Variants in RNF123 observed in about 807,000 individuals in gnomAD.
RNF123 encodes the protein ring finger protein 123.
In RNF123, 86 loss-of-function variants were observed where a neutral mutation model predicts 168.5. That is an observed-to-expected ratio of 0.51 (90% CI 0.43 to 0.61). The LOEUF (loss-of-function observed/expected upper bound fraction) is 0.61, where lower values mean the gene tolerates loss of function less well. Among genes scored for constraint, RNF123 ranks in the 20% least tolerant of loss-of-function variants. RNF123 has a pLI of 0.00. For synonymous variants in RNF123, 666 were observed against 689.1 expected (o/e 0.97, Z 0.52); for missense variants, 1,419 against 1,729.7 (o/e 0.82, Z 3.19).
intron 21 of RNF123, among the ~76,000 whole-genome samples, chr3:49,704,069 A>G (rs921186505): frequency 2.0e-5 from 3 of 152,156 alleles, no homozygotes; most frequent in Non-Finnish European, 4.4e-5. Flanking sequence ...GGTTGTGTGG[A>G]TGGGGTGCCA....
In RNF123 at chr3:49,699,980, G is replaced by A; in HGVS notation, c.984+208G>A. 1 of 684,262 alleles carries A rather than the reference G, an allele frequency of 1.5e-6. No homozygotes were observed. Among genetic ancestry groups the A allele is most frequent in the Non-Finnish European group, 2.4e-6 (1 of 408,312 alleles). 42.4% of individuals were successfully genotyped at this position (684,262 alleles called of 1,614,324 possible). A position where few individuals can be genotyped will look rare whatever the true frequency, so the allele number is the denominator to read the frequency against. On this transcript the variant is annotated intron_variant, in intron 12 of 38. Coordinates refer to ENST00000327697, the MANE Select transcript of RNF123 (RefSeq NM_022064.5). This position sits in a 1 kb window ranked among gnomAD's most constrained non-coding sequence, Gnocchi z 4.8. ...ACCAAGGGCATCAGGGGATGTCCTG[G>A]AAAGAAGACTGAAGGATAATAACAT...
Position 49,703,236 on chromosome 3 carries a change from G to A in RNF123, c.1751-191G>A, listed in dbSNP as rs79102949. ...GCAGCTGCTGGCTCTGACCTGAAATGGCAGGGGTGGAGAAGAGGTAGGGGA... is the reference window on the plus strand; with the variant it reads ...GCAGCTGCTGGCTCTGACCTGAAATAGCAGGGGTGGAGAAGAGGTAGGGGA... On this transcript the variant is annotated intron_variant, in intron 20 of 38. Coordinates refer to ENST00000327697, the MANE Select transcript of RNF123 (RefSeq NM_022064.5). 1.9e-3 allele frequency among the ~76,000 whole-genome samples: 282 copies of A among 152,316 alleles called. 6 individuals carry two copies. The East Asian group carries it at 0.047, about 25-fold the overall frequency.
Position 49,720,523 on chromosome 3 carries a change from C to T in RNF123, c.3513C>T (p.Ala1171=). ...CTCCCCTACCTAGGAGAGAGCAAGC[C>T]ACATCAGTGCTCCTGGCAGATCCCT... ...VRGPASEREQ[A]TSVLLADPCF... Residue 1171 remains alanine (A), a synonymous_variant, in exon 36 of 39, where the codon GCC becomes GCT. Transcript: ENST00000327697. 1 of 1,594,998 alleles carries T rather than the reference C, an allele frequency of 6.3e-7. No individual in the cohort carries two copies. Among genetic ancestry groups the T allele is most frequent in the Non-Finnish European group, 8.6e-7 (1 of 1,169,354 alleles).
At chr3:49,703,583 C>A in intron 21 of RNF123, 55 bp downstream of exon 21, 1 of 1,431,128 alleles carries the variant, frequency 7.0e-7, no homozygotes. Context: ...GGGGACTGTC[C>A]CTGAGCCTGC....
intron 31 of RNF123, among the ~76,000 whole-genome samples, chr3:49,715,109 C>A (rs2080214151): frequency 6.6e-6 from 1 of 152,266 alleles, no homozygotes. Flanking sequence ...TGCCCACCAC[C>A]TCGGCCATAT....
At chr3:49,717,918 G>A in intron 35 of RNF123, 1 of 1,588,780 alleles carries the variant, frequency 6.3e-7, no homozygotes, top group Non-Finnish European at 8.6e-7. Flanking sequence ...GCAGCAAGAG[G>A]GTGGGGGCCT....
intron 24 of RNF123, 84 bp downstream of exon 24, chr3:49,705,763 G>A (rs780780910): frequency 3.8e-5 from 60 of 1,579,292 alleles, no homozygotes; most frequent in African/African-American, 1.9e-4. Flanking sequence ...ACATGGGCCC[G>A]CAGGGCTGCC....
intron 3 of RNF123, among the ~76,000 whole-genome samples, chr3:49,692,131 G>A (rs916863155): frequency 6.6e-6 from 1 of 152,188 alleles, no homozygotes; most frequent in Admixed American, 6.5e-5. Context: ...TGTAGTCCCA[G>A]CTGTTAGGGA....
intron 30 of RNF123, 34 bp from the exon 31 acceptor site, chr3:49,714,056 C>A: frequency 6.2e-7 from 1 of 1,613,788 alleles, no homozygotes; most frequent in East Asian, 2.2e-5. Flanking sequence ...GTGCGCTGTC[C>A]CATTGACCTG....
At position 49,702,176 on chromosome 3, in the gene RNF123, C is replaced by T. The variant is rs769114364; in HGVS notation, c.1557+32C>T. On this transcript the variant is annotated intron_variant, in intron 18 of 38. Coordinates refer to ENST00000327697, the MANE Select transcript of RNF123 (RefSeq NM_022064.5). Reference sequence around the variant, plus strand: ...GACTCCCAGGAGCCCTGGGTGGGGCCCTGTGGGGAGGGATGCTGCACTGGG... The same window carrying T: ...GACTCCCAGGAGCCCTGGGTGGGGCTCTGTGGGGAGGGATGCTGCACTGGG... 8 of 1,611,272 alleles carry T rather than the reference C, an allele frequency of 5.0e-6. No homozygotes were observed. In the Admixed American group the frequency reaches 1.2e-4, roughly 24 times the overall value.
chr3:49,698,065 C>T lies in RNF123; in HGVS notation c.411C>T (p.Tyr137=), dbSNP rs140583719. Reference sequence around the variant, plus strand: ...AGCTCTTTCCAGGGAAATGGCTCTACGAGGTCCTCATCTCCTCCCAGGGGC... The same window carrying T: ...AGCTCTTTCCAGGGAAATGGCTCTATGAGGTCCTCATCTCCTCCCAGGGGC... ...TTCVYKGKWL[Y]EVLISSQGLM... is the part of the protein sequence containing the mutation. Residue 137 remains tyrosine (Y), a synonymous_variant, in exon 7 of 39, where the codon TAC becomes TAT. Coordinates refer to ENST00000327697, the MANE Select transcript of RNF123 (RefSeq NM_022064.5). The T allele has an allele frequency of 4.3e-6, 7 of 1,613,974 alleles. No homozygotes were observed. The highest frequency in any genetic ancestry group is 2.7e-5 in the African/African-American group (2 of 74,916).
At chr3:49,700,167 C>A (rs953080746) in intron 12 of RNF123, 60 bp from the exon 13 acceptor site, 5 of 1,603,796 alleles carry the variant, frequency 3.1e-6, no homozygotes, top group East Asian at 4.5e-5. Flanking sequence ...TGTGCCAGGG[C>A]AGGGGTGCCT....
Position 49,718,223 on chromosome 3 carries a change from G to A in RNF123, c.3500+1746G>A, listed in dbSNP as rs141168573. On this transcript the variant is annotated intron_variant, in intron 35 of 38. Coordinates refer to ENST00000327697, the MANE Select transcript of RNF123 (RefSeq NM_022064.5). ...GGTGTTTGGGGCCAGCGGCGGCAGC[G>A]GCAGGCACGGCGGCAGCAGCGGCAG... 764 of 1,612,036 alleles carry A rather than the reference G, an allele frequency of 4.7e-4. 5 individuals carry two copies. The African/African-American group carries it at 9.6e-3, about 20-fold the overall frequency.
rs773680839 is a variant in RNF123, at chr3:49,705,636, C to T, written c.2261C>T (p.Ala754Val). 42 of 1,614,118 alleles carry T rather than the reference C, an allele frequency of 2.6e-5. No individual in the cohort carries two copies. The South Asian group carries it at 2.9e-4, about 11-fold the overall frequency. ...ENSLLEVLDG[A>V]VMMYNLSVHQ... ...TCGCTGCTGGAAGTCCTGGATGGGG[C>T]GGTCATGATGTACAACCTCAGCGTA... Residue 754 changes from alanine (A) to valine (V), a missense_variant, in exon 24 of 39, where the codon GCG becomes GTG. Ala to Val is a moderately conservative substitution (Grantham distance 64). Around this residue, in one of 5 missense-constraint regions of RNF123, gnomAD observed 538 missense variants for 708.8 expected, o/e 0.76. Transcript: ENST00000327697.
intron 35 of RNF123, chr3:49,720,202 G>C (rs546058633): frequency 4.5e-4 from 90 of 200,330 alleles, no homozygotes; most frequent in Admixed American, 6.9e-4. Context: ...TGCAATTCCA[G>C]CTACTCGGGA....
At position 49,698,233 on chromosome 3, in the gene RNF123, GA is replaced by G; in HGVS notation, c.483+97del. The G allele has an allele frequency of 2.5e-6, 3 of 1,185,200 alleles. No individual in the cohort carries two copies. The South Asian group carries it at 4.0e-5, about 16-fold the overall frequency. 73.4% of individuals were successfully genotyped at this position (1,185,200 alleles called of 1,614,324 possible). On this transcript the variant is annotated intron_variant, in intron 7 of 38. Transcript: ENST00000327697. ...TCCAGATCCCCTCAGAACTGCCTAG[GA>G]CCCTAACTAACCTGGACTGCCCTCT... is the stretch of plus-strand genomic sequence containing the variant.
rs942302440 is a variant in RNF123 at position 49,699,636 on chromosome 3, C to T, written c.880-32C>T. On this transcript the variant is annotated intron_variant, in intron 11 of 38. Coordinates refer to ENST00000327697, the MANE Select transcript of RNF123 (RefSeq NM_022064.5). The surrounding 1 kb of genome is among the most constrained non-coding windows in gnomAD (Gnocchi z 4.8). ...GGGGGGCTTCCACAGCCTCCTGCCCCTCACACTTCTCCCTCCTCCCCCTCC... is the reference window on the plus strand; with the variant it reads ...GGGGGGCTTCCACAGCCTCCTGCCCTTCACACTTCTCCCTCCTCCCCCTCC... 3.7e-6 allele frequency: 6 copies of T among 1,612,996 alleles called. No homozygotes were observed. The highest frequency in any genetic ancestry group is 4.2e-6 in the Non-Finnish European group (5 of 1,179,408).
Position 49,698,044 on chromosome 3 carries a change from C to G in RNF123, c.398-8C>G. The G allele has an allele frequency of 6.2e-7, 1 of 1,614,078 alleles. No individual in the cohort carries two copies. The highest frequency in any genetic ancestry group is 8.5e-7 in the Non-Finnish European group (1 of 1,179,940). ...TCCACCTCGTGGCCCTAACTCAGCT[C>G]TTTCCAGGGAAATGGCTCTACGAGG... On this transcript the variant is annotated splice_region_variant and splice_polypyrimidine_tract_variant and intron_variant, in intron 6 of 38. Coordinates refer to ENST00000327697, the MANE Select transcript of RNF123 (RefSeq NM_022064.5).
intron 31 of RNF123, 164 bp from the exon 32 acceptor site, chr3:49,715,411 C>T (rs912981218): frequency 1.2e-6 from 1 of 819,860 alleles, no homozygotes; most frequent in Non-Finnish European, 1.9e-6. Flanking sequence ...TCCCAACTAA[C>T]TCCAAGGCAG....
Sources: allele counts gnomAD v4.1 joint callset (sites outside exome capture counted in the v4.1 genomes callset), GRCh38; gene constraint gnomAD v4.1.1; regional missense constraint gnomAD v4.1.1; non-coding constraint Gnocchi (gnomAD v3.1); transcripts MANE v1.5; gene names NCBI Gene and HGNC (gene_info 2026-07-23, HGNC 2026-07-21).